The following DOCK7 variants were observed in gnomAD, a reference collection of about 807,000 sequenced individuals.
DOCK7 encodes the protein dedicator of cytokinesis protein 7.
A neutral mutation model predicts 271.0 loss-of-function variants in DOCK7; 138 were observed. The observed-to-expected ratio is 0.51, with a 90% CI of 0.44 to 0.59. The LOEUF is 0.59. Ranked by LOEUF, DOCK7 falls within the 20% of genes least tolerant of loss-of-function variation. The pLI, the probability that DOCK7 is intolerant of heterozygous loss-of-function variation, is 0.00. For missense variants in DOCK7, 2,066 were observed against 2,592.4 expected, an observed-to-expected ratio of 0.80 and a Z score of 4.41; for synonymous variants, 823 against 876.1, an observed-to-expected ratio of 0.94 and a Z score of 1.07.
At chr1:62,664,930 T>C (rs74716393) in intron 1 of DOCK7, among the ~76,000 whole-genome samples, 3,482 of 152,260 alleles carry the variant, frequency 0.023, 62 homozygotes, top group Non-Finnish European at 0.039. Context: ...AAGGGCAAAT[T>C]ATGTAATCCT....
chr1:62,466,132 G>C (rs575310712), intron 48 of DOCK7, among the ~76,000 whole-genome samples: 1 of 152,128 alleles, frequency 6.6e-6, no homozygotes, highest in African/African-American at 2.4e-5. Flanking sequence ...CAGCAGACAA[G>C]CTCCCAGATG....
rs750638288 is a variant in DOCK7 at position 62,569,994 on chromosome 1, A to G, written c.2112+7268T>C. Among the ~76,000 whole-genome samples, 40 of 152,198 alleles carry G rather than the reference A, an allele frequency of 2.6e-4. 1 individual carries two copies. Among genetic ancestry groups the G allele is most frequent in the Non-Finnish European group, 4.4e-4 (30 of 68,036 alleles). ...CTCCTAAAGTGCTGGGATTATAGGCATGGGCCACTGCGTCCAGCCACCACT... is the reference window on the plus strand; with the variant it reads ...CTCCTAAAGTGCTGGGATTATAGGCGTGGGCCACTGCGTCCAGCCACCACT... On this transcript the variant is annotated intron_variant, in intron 18 of 49. Coordinates refer to ENST00000635253, the MANE Select transcript of DOCK7 (RefSeq NM_001367561.1).
At chr1:62,662,739 C>T (rs1011515560) in intron 2 of DOCK7, among the ~76,000 whole-genome samples, 9 of 151,944 alleles carry the variant, frequency 5.9e-5, no homozygotes, top group African/African-American at 2.2e-4. Flanking sequence ...CCAGCCTGGG[C>T]GACAGAGTGA....
intron 14 of DOCK7, among the ~76,000 whole-genome samples, chr1:62,591,710 T>C (rs1218881505): frequency 6.6e-6 from 1 of 152,186 alleles, no homozygotes; most frequent in East Asian, 1.9e-4. Flanking sequence ...TTTGCGGGCA[T>C]GGACATGACT....
chr1:62,649,230 A>G (rs1657043936), intron 4 of DOCK7, among the ~76,000 whole-genome samples: 1 of 152,164 alleles, frequency 6.6e-6, no homozygotes, highest in Admixed American at 6.5e-5. Context: ...CACTTCATAG[A>G]GCCAAACTGA....
chr1:62,462,006 G>A (rs1645543277), intron 48 of DOCK7, among the ~76,000 whole-genome samples: 1 of 151,514 alleles, frequency 6.6e-6, no homozygotes. Context: ...AGGAGGCGGA[G>A]GTTGCAGTGA....
At chr1:62,552,990 A>C in intron 21 of DOCK7, 89 bp from the exon 22 acceptor site, 2 of 976,598 alleles carry the variant, frequency 2.0e-6, no homozygotes, top group Non-Finnish European at 2.8e-6. Flanking sequence ...AGAAAATTCC[A>C]CAAAGATCAT....
At chr1:62,602,023 C>T in intron 14 of DOCK7, 1 of 611,034 alleles carries the variant, frequency 1.6e-6, no homozygotes, top group South Asian at 2.2e-5. Flanking sequence ...ATACTTTTAC[C>T]TTGTTTATGT....
intron 20 of DOCK7, among the ~76,000 whole-genome samples, chr1:62,557,645 A>T (rs1351574290): frequency 2.0e-5 from 3 of 148,446 alleles, no homozygotes; most frequent in Non-Finnish European, 4.5e-5. Context: ...CTCTGGAACC[A>T]GTTTGAATCT....
In DOCK7 at chr1:62,579,827, C is replaced by CA. The variant is rs554455438; in HGVS notation, c.1872-862dup. Among the ~76,000 whole-genome samples the CA allele has an allele frequency of 2.1e-3, 318 of 148,646 alleles. 2 individuals are homozygous for CA. The highest frequency in any genetic ancestry group is 7.5e-3 in the African/African-American group (303 of 40,250). On this transcript the variant is annotated intron_variant, in intron 16 of 49. Transcript: ENST00000635253. ...GACTAGAATTGACCACTAAAACAAA[C>CA]AAAAAAAACCAGTAAAATCAGGAAA...
At chr1:62,512,285 C>T (rs1277867873) in intron 33 of DOCK7, among the ~76,000 whole-genome samples, 2 of 152,170 alleles carry the variant, frequency 1.3e-5, no homozygotes, top group Non-Finnish European at 2.9e-5. Flanking sequence ...CAACCCATGG[C>T]CCTGGCCTTA....
intron 14 of DOCK7, among the ~76,000 whole-genome samples, chr1:62,600,742 C>T (rs1649989650): frequency 6.6e-6 from 1 of 151,642 alleles, no homozygotes; most frequent in Non-Finnish European, 1.5e-5. Context: ...AACTTAAAAT[C>T]TGAACAGAAT....
chr1:62,596,769 T>C (rs1343822074), intron 14 of DOCK7, among the ~76,000 whole-genome samples: 2 of 151,910 alleles, frequency 1.3e-5, no homozygotes, highest in African/African-American at 2.4e-5. Flanking sequence ...GTATTTAAGA[T>C]TCAATTCTAG....
At chr1:62,510,795 A>G in intron 33 of DOCK7, 122 bp from the exon 34 acceptor site, 1 of 682,036 alleles carries the variant, frequency 1.5e-6, no homozygotes, top group Non-Finnish European at 2.3e-6. Flanking sequence ...TATCCTCAGT[A>G]CAAGTTGAAA....
In DOCK7 at chr1:62,653,808, A is replaced by G; in HGVS notation, c.321-15T>C. 1 of 1,562,414 alleles carries G rather than the reference A, an allele frequency of 6.4e-7. No homozygotes were observed. Among genetic ancestry groups the G allele is most frequent in the Non-Finnish European group, 8.8e-7 (1 of 1,135,386 alleles). ...GATCCATTTCACTATTTTAAAAAGG[A>G]AAATACATTTGTAATTTAGACGGGA... On this transcript the variant is annotated splice_polypyrimidine_tract_variant and intron_variant, in intron 3 of 49. Transcript: ENST00000635253.
rs1004926026 is a variant in DOCK7, at chr1:62,505,903, G to T, written c.4477-87C>A. On this transcript the variant is annotated intron_variant, in intron 35 of 49. Transcript: ENST00000635253. ...CAGGCCTCCCTATGTATAAATAAAGGCCTCCCTGTATGTATAAGTAAAGTT... is the reference window on the plus strand; with the variant it reads ...CAGGCCTCCCTATGTATAAATAAAGTCCTCCCTGTATGTATAAGTAAAGTT... 5 of 1,303,072 alleles carry T rather than the reference G, an allele frequency of 3.8e-6. No homozygotes were observed. In the Admixed American group the frequency reaches 8.2e-5, roughly 21 times the overall value. 80.7% of individuals were successfully genotyped at this position (1,303,072 alleles called of 1,614,324 possible). A position where few individuals can be genotyped will look rare whatever the true frequency, so the allele number is the denominator to read the frequency against.
rs1216347623 is a variant in DOCK7 at position 62,619,984 on chromosome 1, G to A, written c.1435C>T (p.Arg479Cys). The change falls in exon 13 of 50, where the codon CGC becomes TGC. Residue 479 changes from arginine to cysteine, a missense_variant. Arg to Cys is a radical substitution (Grantham distance 180). Transcript: ENST00000635253. ...VTNFFKQEGD[R>C]LSDEDLYKFL... ...TTGTAGAGATCTTCATCACTTAAGC[G>A]GTCTCCTTCCTGATTTCAATAATAG... 1.2e-6 allele frequency: 2 copies of A among 1,612,344 alleles called. No homozygotes were observed. The highest frequency in any genetic ancestry group is 2.7e-5 in the African/African-American group (2 of 74,756).
Position 62,457,527 on chromosome 1 carries a change from A to G in DOCK7, c.6380+11T>C. The G allele has an allele frequency of 6.2e-7, 1 of 1,609,720 alleles. No individual in the cohort carries two copies. Among genetic ancestry groups the G allele is most frequent in the Non-Finnish European group, 8.5e-7 (1 of 1,178,624 alleles). On this transcript the variant is annotated intron_variant, in intron 49 of 49. Transcript: ENST00000635253. ...GAAAGAATATCTAAAACCACTTAAA[A>G]ATAAGCATACCTGTGGCAGGTGACA...
chr1:62,644,456 G>GC (rs1398845690), intron 7 of DOCK7, among the ~76,000 whole-genome samples: 3 of 152,184 alleles, frequency 2.0e-5, no homozygotes, highest in Non-Finnish European at 4.4e-5. Flanking sequence ...TGCATGCCAA[G>GC]CTCTTTCCCT....
Sources: allele counts gnomAD v4.1 joint callset (sites outside exome capture counted in the v4.1 genomes callset), GRCh38; gene constraint gnomAD v4.1.1; transcripts MANE v1.5; gene names NCBI Gene and HGNC (gene_info 2026-07-23, HGNC 2026-07-21).